The following CREB5 variants were observed in gnomAD, a reference collection of about 807,000 sequenced individuals.
The protein encoded by CREB5 is cyclic AMP-responsive element-binding protein 5.
Under a neutral mutation model 57.1 loss-of-function variants are expected in CREB5, and 19 were observed. The ratio of observed to expected loss-of-function variants is 0.33; its 90% CI spans 0.23 to 0.49. The LOEUF (loss-of-function observed/expected upper bound fraction) is 0.49. Ranked by LOEUF, CREB5 falls within the 20% of genes least tolerant of loss-of-function variation. The pLI is 0.99. For missense variants in CREB5, 579 were observed against 671.6 expected, an observed-to-expected ratio of 0.86 and a Z score of 1.52; for synonymous variants, 238 against 238.3, an observed-to-expected ratio of 1.00 and a Z score of 0.01.
At chr7:28,557,560 T>C (rs1264245055) in intron 4 of CREB5, among the ~76,000 whole-genome samples, 2 of 152,034 alleles carry the variant, frequency 1.3e-5, no homozygotes, top group African/African-American at 4.8e-5. Flanking sequence ...TGAGGGAGGA[T>C]GTCATGAATG....
chr7:28,560,835 T>TGCGTGCGCGTGCGTGCGTGCGCGCGTGC (rs1450019513), intron 4 of CREB5, among the ~76,000 whole-genome samples: 5 of 59,746 alleles, frequency 8.4e-5, no homozygotes, highest in Non-Finnish European at 1.2e-4. Context: ...CGCGCGCGCG[T>TGCGTGCGCGTGCGTGCGTGCGCGCGTGC]GTGTGTGTGC....
intron 5 of CREB5, among the ~76,000 whole-genome samples, chr7:28,641,015 A>G (rs1424768622): frequency 6.6e-6 from 1 of 152,142 alleles, no homozygotes; most frequent in Non-Finnish European, 1.5e-5. Context: ...GTTTTCCCCA[A>G]ATGATTGAGT....
At chr7:28,459,779 G>T (rs143790227) in intron 1 of CREB5, among the ~76,000 whole-genome samples, 2 of 152,066 alleles carry the variant, frequency 1.3e-5, no homozygotes, top group Non-Finnish European at 2.9e-5. Flanking sequence ...GCCCTTGTGG[G>T]GTCCTGTTTT....
chr7:28,683,998 G>A (rs1479967118), intron 5 of CREB5, among the ~76,000 whole-genome samples: 2 of 151,060 alleles, frequency 1.3e-5, no homozygotes, highest in African/African-American at 2.4e-5. Context: ...AGTGGGGAGG[G>A]GAGATTTGGG....
chr7:28,756,937 C>G (rs936018799), intron 7 of CREB5, among the ~76,000 whole-genome samples: 2 of 152,156 alleles, frequency 1.3e-5, no homozygotes, highest in African/African-American at 4.8e-5. Flanking sequence ...GGTTCAGGCG[C>G]TCACATTTCA....
intron 4 of CREB5, among the ~76,000 whole-genome samples, chr7:28,524,976 G>A (rs923118495): frequency 9.3e-5 from 14 of 150,522 alleles, no homozygotes; most frequent in African/African-American, 2.7e-4. Flanking sequence ...TTCATTCCCC[G>A]AACCCCACCC....
chr7:28,665,008 A>G (rs1799764937), intron 5 of CREB5, among the ~76,000 whole-genome samples: 1 of 152,212 alleles, frequency 6.6e-6, no homozygotes, highest in Non-Finnish European at 1.5e-5. Flanking sequence ...AAACCACAGG[A>G]CAGTGTGGCA....
At chr7:28,346,022 G>A (rs1057350679) in intron 1 of CREB5, among the ~76,000 whole-genome samples, 4 of 152,132 alleles carry the variant, frequency 2.6e-5, no homozygotes, top group African/African-American at 7.2e-5. Context: ...ATCCGAAGGG[G>A]GGCACCGTAG....
intron 1 of CREB5, among the ~76,000 whole-genome samples, chr7:28,402,493 A>C (rs112252267): frequency 6.6e-6 from 1 of 152,352 alleles, no homozygotes; most frequent in African/African-American, 2.4e-5. Flanking sequence ...CAAATGGAAC[A>C]GAACAGAGCC....
chr7:28,706,964 C>T (rs570179986), intron 5 of CREB5, among the ~76,000 whole-genome samples: 2 of 152,194 alleles, frequency 1.3e-5, no homozygotes, highest in Admixed American at 6.5e-5. Flanking sequence ...GTTAAGAAAC[C>T]TCTGTGGGGC....
chr7:28,518,399 C>A (rs1055753017), intron 4 of CREB5, among the ~76,000 whole-genome samples: 44 of 152,144 alleles, frequency 2.9e-4, no homozygotes, highest in African/African-American at 1.1e-3. Context: ...TGAATCACAG[C>A]CTCTCTCAAA....
At chr7:28,778,401 A>G (rs1157890544) in intron 7 of CREB5, among the ~76,000 whole-genome samples, 1 of 152,218 alleles carries the variant, frequency 6.6e-6, no homozygotes, top group Non-Finnish European at 1.5e-5. Flanking sequence ...AGTTACTCCT[A>G]CACACCTGAA....
intron 7 of CREB5, among the ~76,000 whole-genome samples, chr7:28,775,998 C>T (rs1317935371): frequency 6.6e-6 from 1 of 152,154 alleles, no homozygotes; most frequent in Non-Finnish European, 1.5e-5. Context: ...AAATTAACAT[C>T]TGATACAGAA....
intron 1 of CREB5, among the ~76,000 whole-genome samples, chr7:28,478,980 G>A (rs2128588250): frequency 6.6e-6 from 1 of 152,280 alleles, no homozygotes; most frequent in South Asian, 2.1e-4. Flanking sequence ...GTTTTAATTG[G>A]CATTGAATCT....
intron 1 of CREB5, among the ~76,000 whole-genome samples, chr7:28,459,662 A>G (rs1790269609): frequency 6.6e-6 from 1 of 152,128 alleles, no homozygotes; most frequent in African/African-American, 2.4e-5. Flanking sequence ...GTCTGCTGGA[A>G]ACGTGAATAG....
intron 1 of CREB5, among the ~76,000 whole-genome samples, chr7:28,392,035 T>C (rs1787227250): frequency 2.0e-5 from 3 of 152,108 alleles, no homozygotes. Context: ...GAAAACCAAA[T>C]ACCGCATGTT....
chr7:28,560,925 C>CGTGTGT (rs1163419011), intron 4 of CREB5, among the ~76,000 whole-genome samples: 1 of 33,478 alleles, frequency 3.0e-5, no homozygotes, highest in Non-Finnish European at 5.2e-5. Flanking sequence ...CGTGTGTGCG[C>CGTGTGT]GTGCGTGTGT....
At chr7:28,477,656 G>A (rs185726323) in intron 1 of CREB5, among the ~76,000 whole-genome samples, 11 of 152,312 alleles carry the variant, frequency 7.2e-5, no homozygotes, top group African/African-American at 2.4e-4. Flanking sequence ...TTAACCTCTC[G>A]TGGGTGGTGG....
At chr7:28,391,154 G>A (rs933790909) in intron 1 of CREB5, among the ~76,000 whole-genome samples, 12 of 151,986 alleles carry the variant, frequency 7.9e-5, no homozygotes, top group Non-Finnish European at 1.5e-4. Context: ...TTGTATCATC[G>A]CTCAGTTTTC....
Sources: gnomAD v4.1 joint callset for allele counts (sites outside exome capture counted in the v4.1 genomes callset) on GRCh38, gnomAD v4.1.1 for gene constraint, MANE v1.5 for transcripts, NCBI Gene and HGNC (gene_info 2026-07-23, HGNC 2026-07-21) for gene names.